The following ARF1 variants were observed in gnomAD, a reference collection of about 807,000 sequenced individuals.
The protein encoded by ARF1 is ARF GTPase 1.
ARF1 carries 1 observed loss-of-function variant against 18.0 expected under a neutral mutation model. The observed-to-expected ratio is 0.06, with a 90% CI of 0.02 to 0.26. The LOEUF (loss-of-function observed/expected upper bound fraction) is 0.26. Among genes scored for constraint, ARF1 ranks in the 10% least tolerant of loss-of-function variants. The pLI, the probability that ARF1 is intolerant of heterozygous loss-of-function variation, is 1.00. For missense variants in ARF1, 73 were observed against 247.2 expected, an observed-to-expected ratio of 0.30 and a Z score of 4.73; for synonymous variants, 112 against 96.3, an observed-to-expected ratio of 1.16 and a Z score of -0.95.
Position 228,097,309 on chromosome 1 carries a change from G to C in ARF1, c.149-33G>C, listed in dbSNP as rs781347783. ...AGTGGGCTGGGCTGGGCTGGGCCAA[G>C]GTACAAGGCCTCACCCTGCATCCCG... On this transcript the variant is annotated intron_variant, in intron 2 of 4. Coordinates refer to ENST00000272102, the MANE Select transcript of ARF1 (RefSeq NM_001658.4). The surrounding 1 kb of genome is among the most constrained non-coding windows in gnomAD (Gnocchi z 8.1). The C allele has an allele frequency of 1.2e-6, 2 of 1,610,866 alleles. No individual in the cohort carries two copies. The highest frequency in any genetic ancestry group is 4.5e-5 in the East Asian group (2 of 44,812).
chr1:228,088,154 A>G (rs957027482), intron 1 of ARF1: 1 of 152,276 alleles, frequency 6.6e-6, no homozygotes, highest in African/African-American at 2.4e-5. Context: ...AGCTGCCCAC[A>G]CTGGTGGAGG....
intron 1 of ARF1, among the ~76,000 whole-genome samples, chr1:228,095,496 AT>A (rs2032714415): frequency 6.6e-6 from 1 of 152,122 alleles, no homozygotes; most frequent in Non-Finnish European, 1.5e-5. Context: ...CCCAACACAA[AT>A]TTCTAATAAA....
intron 1 of ARF1, among the ~76,000 whole-genome samples, chr1:228,090,040 T>G (rs2032528113): frequency 1.3e-5 from 2 of 152,236 alleles, no homozygotes; most frequent in Admixed American, 6.5e-5. Flanking sequence ...CCTCTGGTCA[T>G]TGCTGGAACC....
At chr1:228,084,072 T>G (rs1052065971) in intron 1 of ARF1, among the ~76,000 whole-genome samples, 2 of 152,210 alleles carry the variant, frequency 1.3e-5, no homozygotes, top group African/African-American at 4.8e-5. Flanking sequence ...CGCAGTGTGT[T>G]GGGAGGAGTG....
intron 1 of ARF1, among the ~76,000 whole-genome samples, chr1:228,094,597 C>G (rs979876286): frequency 6.6e-6 from 1 of 152,014 alleles, no homozygotes; most frequent in Admixed American, 6.6e-5. Flanking sequence ...AGGGGGTTGG[C>G]TAGGCTGCTG....
chr1:228,097,793 G>C lies in ARF1; in HGVS notation c.385-59G>C. The C allele has an allele frequency of 2.5e-6, 4 of 1,588,902 alleles. No individual in the cohort carries two copies. Among genetic ancestry groups the C allele is most frequent in the Non-Finnish European group, 3.4e-6 (4 of 1,165,654 alleles). ...TGGTGGTAGGGGTTACTGGAGGCTG[G>C]TGGGGCCCCTTTCTCTGTCCTGTGG... On this transcript the variant is annotated intron_variant, in intron 4 of 4. Coordinates refer to ENST00000272102, the MANE Select transcript of ARF1 (RefSeq NM_001658.4). This position sits in a 1 kb window ranked among gnomAD's most constrained non-coding sequence, Gnocchi z 8.1.
rs926882928 is a variant in ARF1, at chr1:228,089,637, C to G, written c.-38+6872C>G. On this transcript the variant is annotated intron_variant, in intron 1 of 4. Transcript: ENST00000272102. This position sits in a 1 kb window ranked among gnomAD's most constrained non-coding sequence, Gnocchi z 4.1. Reference sequence around the variant, plus strand: ...AGCCATTGCATTAATTTTCTTTAACCTGGTGCGGAGAAGCTACAAGGGCCC... The same window carrying G: ...AGCCATTGCATTAATTTTCTTTAACGTGGTGCGGAGAAGCTACAAGGGCCC... Among the ~76,000 whole-genome samples the G allele has an allele frequency of 3.9e-5, 6 of 152,178 alleles. No homozygotes were observed. Among genetic ancestry groups the G allele is most frequent in the Admixed American group, 1.3e-4 (2 of 15,290 alleles).
rs1448468387 is a variant in ARF1, at chr1:228,097,158, A to G, written c.44A>G (p.Lys15Arg). ...FANLFKGLFG[K>R]KEMRILMVGL... ...AACCTCTTCAAGGGCCTTTTTGGCA[A>G]AAAAGAAATGCGCATCCTCATGGTG... is the stretch of plus-strand genomic sequence containing the variant. Residue 15 changes from lysine (K) to arginine (R), a missense_variant, in exon 2 of 5, where the codon AAA becomes AGA. Coordinates refer to ENST00000272102, the MANE Select transcript of ARF1 (RefSeq NM_001658.4). This position sits in a 1 kb window ranked among gnomAD's most constrained non-coding sequence, Gnocchi z 8.1. 1 of 1,613,356 alleles carries G rather than the reference A, an allele frequency of 6.2e-7. No individual in the cohort carries two copies. The highest frequency in any genetic ancestry group is 1.7e-5 in the Admixed American group (1 of 59,850).
chr1:228,091,943 C>T (rs982337743), intron 1 of ARF1, among the ~76,000 whole-genome samples: 5 of 152,004 alleles, frequency 3.3e-5, no homozygotes, highest in African/African-American at 4.8e-5. Flanking sequence ...CAGGCTTTCA[C>T]GAAATTGATC....
chr1:228,093,789 G>A (rs747228784), intron 1 of ARF1, among the ~76,000 whole-genome samples: 11 of 151,882 alleles, frequency 7.2e-5, no homozygotes, highest in African/African-American at 1.7e-4. Flanking sequence ...TTAGCTCAGC[G>A]TGGTGGCACG....
intron 1 of ARF1, among the ~76,000 whole-genome samples, chr1:228,092,685 G>A (rs974306503): frequency 7.9e-5 from 12 of 152,112 alleles, no homozygotes; most frequent in Non-Finnish European, 1.0e-4. Context: ...TTCCGCCTGC[G>A]CCTGTTCCCT....
chr1:228,095,962 T>C (rs2032732856), intron 1 of ARF1, among the ~76,000 whole-genome samples: 1 of 152,216 alleles, frequency 6.6e-6, no homozygotes, highest in Non-Finnish European at 1.5e-5. Context: ...AAGAGCAAAG[T>C]GTCCAAAGGA....
intron 1 of ARF1, among the ~76,000 whole-genome samples, chr1:228,092,329 T>A (rs778979918): frequency 7.2e-5 from 11 of 152,148 alleles, no homozygotes; most frequent in Non-Finnish European, 1.6e-4. Flanking sequence ...GCCCTTGCAT[T>A]CCCTGCCACT....
intron 1 of ARF1, among the ~76,000 whole-genome samples, chr1:228,090,165 A>G (rs1278321326): frequency 6.6e-6 from 1 of 152,156 alleles, no homozygotes; most frequent in East Asian, 1.9e-4. Flanking sequence ...TTCGCTGTTT[A>G]GCATGCATGG....
rs918057530 is a variant in ARF1 at position 228,089,988 on chromosome 1, A to G, written c.-37-7090A>G. Among the ~76,000 whole-genome samples the G allele has an allele frequency of 4.6e-5, 7 of 152,228 alleles. No individual in the cohort carries two copies. The highest frequency in any genetic ancestry group is 1.4e-4 in the African/African-American group (6 of 41,464). ...CATTGTCACATCAGATAGCTCCGCT[A>G]CGTGTGCGCTGACCATGCTGAGATG... On this transcript the variant is annotated intron_variant, in intron 1 of 4. Coordinates refer to ENST00000272102, the MANE Select transcript of ARF1 (RefSeq NM_001658.4). The surrounding 1 kb of genome is among the most constrained non-coding windows in gnomAD (Gnocchi z 4.1).
At chr1:228,094,534 T>C (rs1343992929) in intron 1 of ARF1, among the ~76,000 whole-genome samples, 1 of 152,086 alleles carries the variant, frequency 6.6e-6, no homozygotes, top group Admixed American at 6.5e-5. Context: ...ATAATAAGAA[T>C]ACGTAGGTGG....
intron 1 of ARF1, among the ~76,000 whole-genome samples, chr1:228,094,361 C>T (rs1337068028): frequency 6.6e-6 from 1 of 152,124 alleles, no homozygotes; most frequent in African/African-American, 2.4e-5. Flanking sequence ...AGCTTTCCAA[C>T]CCCCTAGTAA....
At chr1:228,095,362 A>C (rs2032707251) in intron 1 of ARF1, among the ~76,000 whole-genome samples, 1 of 152,156 alleles carries the variant, frequency 6.6e-6, no homozygotes, top group Middle Eastern at 3.4e-3. Flanking sequence ...ATTATTCTGG[A>C]ATTTCATGGC....
At chr1:228,091,021 T>C (rs1007042713) in intron 1 of ARF1, 21 of 152,242 alleles carry the variant, frequency 1.4e-4, no homozygotes, top group African/African-American at 4.8e-4. Flanking sequence ...TGAGGTGCTT[T>C]GAAGTAACAC....
Sources: gnomAD v4.1 joint callset for allele counts (sites outside exome capture counted in the v4.1 genomes callset) on GRCh38, gnomAD v4.1.1 for gene constraint, Gnocchi (gnomAD v3.1) non-coding constraint, MANE v1.5 for transcripts, NCBI Gene and HGNC (gene_info 2026-07-23, HGNC 2026-07-21) for gene names.